The following NPAS3 variants were observed in gnomAD, a reference collection of about 807,000 sequenced individuals.
The protein encoded by NPAS3 is neuronal PAS domain protein 3.
Under a neutral mutation model 73.1 loss-of-function variants are expected in NPAS3, and 14 were observed. The observed-to-expected ratio is 0.19, with a 90% confidence interval of 0.13 to 0.30. The LOEUF (loss-of-function observed/expected upper bound fraction) is 0.30, where lower values mean the gene tolerates loss of function less well. NPAS3 is among the 10% of genes least tolerant of loss of function. The pLI is 1.00. For missense variants in NPAS3, 1,096 were observed against 1,250.0 expected (o/e 0.88, Z 1.86); for synonymous variants, 620 against 541.5 (o/e 1.14, Z -2.01).
chr14:33,187,025 T>A (rs2046001511), intron 2 of NPAS3, among the ~76,000 whole-genome samples: 1 of 152,234 alleles, frequency 6.6e-6, no homozygotes, highest in Admixed American at 6.5e-5. Context: ...TGCTCTAGTC[T>A]AAACCAGCAT....
intron 4 of NPAS3, among the ~76,000 whole-genome samples, chr14:33,520,442 G>A (rs190052020): frequency 1.3e-5 from 2 of 152,030 alleles, no homozygotes; most frequent in Non-Finnish European, 2.9e-5. Flanking sequence ...GATGAAATAA[G>A]AACACCACAT....
At chr14:33,111,884 A>G (rs1298667) in intron 2 of NPAS3, among the ~76,000 whole-genome samples, 132,683 of 149,616 alleles carry the variant, frequency 0.89, 58,838 homozygotes, top group Middle Eastern at 0.95. Context: ...TGTTCTCATT[A>G]TTCAATTCCC....
At chr14:33,124,425 T>A (rs2043352127) in intron 2 of NPAS3, among the ~76,000 whole-genome samples, 1 of 152,170 alleles carries the variant, frequency 6.6e-6, no homozygotes. Context: ...ACCATCACTC[T>A]GTGTCTTTGT....
At chr14:33,456,045 T>G (rs544254586) in intron 4 of NPAS3, among the ~76,000 whole-genome samples, 1 of 152,330 alleles carries the variant, frequency 6.6e-6, no homozygotes, top group Non-Finnish European at 1.5e-5. Context: ...TTAGTTGTCA[T>G]GTATTGATGA....
At chr14:33,414,923 T>C (rs1467475122) in intron 4 of NPAS3, among the ~76,000 whole-genome samples, 1 of 152,078 alleles carries the variant, frequency 6.6e-6, no homozygotes, top group African/African-American at 2.4e-5. Flanking sequence ...GATAAGACAT[T>C]TGAATGGTAG....
intron 2 of NPAS3, among the ~76,000 whole-genome samples, chr14:33,170,937 C>T (rs889903794): frequency 6.6e-6 from 1 of 152,218 alleles, no homozygotes. Flanking sequence ...ATGTTCTTAA[C>T]AACATCCAAA....
intron 4 of NPAS3, among the ~76,000 whole-genome samples, chr14:33,558,411 A>G (rs1475670766): frequency 1.3e-5 from 2 of 152,010 alleles, no homozygotes; most frequent in Admixed American, 6.5e-5. Flanking sequence ...CAGGTGTGCC[A>G]CCACACCCAG....
At chr14:33,084,296 C>A (rs956650834) in intron 2 of NPAS3, among the ~76,000 whole-genome samples, 2 of 152,102 alleles carry the variant, frequency 1.3e-5, no homozygotes, top group Admixed American at 1.3e-4. Context: ...AGCATTTTGT[C>A]CACTATATAT....
At chr14:32,954,971 G>T (rs907523895) in intron 1 of NPAS3, among the ~76,000 whole-genome samples, 2 of 152,076 alleles carry the variant, frequency 1.3e-5, no homozygotes, top group Admixed American at 1.3e-4. Flanking sequence ...CCATCTTTTC[G>T]ATTGTGAATA....
At chr14:33,175,923 A>T (rs961497494) in intron 2 of NPAS3, among the ~76,000 whole-genome samples, 1 of 152,174 alleles carries the variant, frequency 6.6e-6, no homozygotes, top group East Asian at 1.9e-4. Context: ...AAACAACAAC[A>T]ACAAAAAAAA....
intron 2 of NPAS3, among the ~76,000 whole-genome samples, chr14:33,140,411 G>C (rs895865089): frequency 2.0e-5 from 3 of 152,050 alleles, no homozygotes; most frequent in African/African-American, 7.2e-5. Context: ...CTGTTTTTAG[G>C]GGTGAAAATG....
intron 8 of NPAS3, among the ~76,000 whole-genome samples, chr14:33,777,841 A>G (rs2138505524): frequency 6.6e-6 from 1 of 152,330 alleles, no homozygotes; most frequent in South Asian, 2.1e-4. Context: ...AAATGGTTTA[A>G]AAGTTTTTGT....
chr14:33,780,080 G>A (rs74044712), intron 9 of NPAS3, among the ~76,000 whole-genome samples: 2,300 of 152,266 alleles, frequency 0.015, 49 homozygotes, highest in African/African-American at 0.051. Context: ...TTAACCCTGC[G>A]TTAGCAACAC....
chr14:33,609,114 C>G (rs930565868), intron 5 of NPAS3, among the ~76,000 whole-genome samples: 1 of 152,152 alleles, frequency 6.6e-6, no homozygotes, highest in African/African-American at 2.4e-5. Flanking sequence ...CTTTCCCTGC[C>G]TGCAAACTAA....
chr14:32,964,933 G>C (rs1295880718), intron 1 of NPAS3, among the ~76,000 whole-genome samples: 2 of 152,090 alleles, frequency 1.3e-5, no homozygotes, highest in African/African-American at 4.8e-5. Flanking sequence ...TCACACCACT[G>C]CACTCTGGCC....
At chr14:33,720,022 C>T (rs1595497981) in intron 6 of NPAS3, among the ~76,000 whole-genome samples, 1 of 151,942 alleles carries the variant, frequency 6.6e-6, no homozygotes, top group Non-Finnish European at 1.5e-5. Flanking sequence ...TTAAGAGGAA[C>T]AAATCTCATT....
intron 4 of NPAS3, among the ~76,000 whole-genome samples, chr14:33,525,590 A>G (rs2053761590): frequency 6.6e-6 from 1 of 152,164 alleles, no homozygotes; most frequent in African/African-American, 2.4e-5. Flanking sequence ...ATTTTTTCCT[A>G]TATGCTGTGT....
At chr14:32,976,754 A>G (rs909925117) in intron 1 of NPAS3, among the ~76,000 whole-genome samples, 7 of 152,218 alleles carry the variant, frequency 4.6e-5, no homozygotes, top group Non-Finnish European at 1.0e-4. Context: ...ATTAAAGGCA[A>G]GTAGAAGTAT....
chr14:33,425,267 T>C (rs779089563), intron 4 of NPAS3, among the ~76,000 whole-genome samples: 13 of 152,002 alleles, frequency 8.6e-5, no homozygotes, highest in Non-Finnish European at 1.8e-4. Flanking sequence ...AGGGCACTTA[T>C]CATTTGAAGA....
Sources: gnomAD v4.1 joint callset for allele counts (sites outside exome capture counted in the v4.1 genomes callset) on GRCh38, gnomAD v4.1.1 for gene constraint, MANE v1.5 for transcripts, NCBI Gene and HGNC (gene_info 2026-07-23, HGNC 2026-07-21) for gene names.